CFAP43: variants seen among roughly 807,000 people sequenced by gnomAD.
The protein encoded by CFAP43 is cilia- and flagella-associated protein 43.
A neutral mutation model predicts 218.9 loss-of-function variants in CFAP43; 155 were observed. That is an observed-to-expected ratio of 0.71 (90% CI 0.62 to 0.81). The LOEUF (loss-of-function observed/expected upper bound fraction) is 0.81. Ranked by LOEUF, CFAP43 falls within the 30% of genes least tolerant of loss-of-function variation. CFAP43 has a pLI of 0.00. For missense variants in CFAP43, 1,778 were observed against 1,954.3 expected (o/e 0.91, Z 1.70); for synonymous variants, 645 against 681.3 (o/e 0.95, Z 0.83).
Position 104,164,161 on chromosome 10 carries a change from G to A in CFAP43, c.3179C>T (p.Ala1060Val). ...EIILDLELEE[A>V]VWQPEFEDCE... ...GTCTTCAAATTCTGGTTGCCAGACT[G>A]CTTCTTCCAATTCCAGATCTAAAAT... The change falls in exon 24 of 38, where the codon GCA becomes GTA. Residue 1060 changes from alanine to valine, a missense_variant. Ala to Val is a moderately conservative substitution (Grantham distance 64). This residue lies in a region of CFAP43 where 1,553 missense variants were observed against 1,685.2 expected (regional missense o/e 0.92). Coordinates refer to ENST00000357060, the MANE Select transcript of CFAP43 (RefSeq NM_025145.7). 6.2e-7 allele frequency: 1 copy of A among 1,614,152 alleles called. No homozygotes were observed. The highest frequency in any genetic ancestry group is 8.5e-7 in the Non-Finnish European group (1 of 1,180,020).
chr10:104,133,106 G>C (rs541429521), intron 35 of CFAP43, among the ~76,000 whole-genome samples: 1 of 152,340 alleles, frequency 6.6e-6, no homozygotes, highest in South Asian at 2.1e-4. Flanking sequence ...ATGGGGCATG[G>C]CTTGGAATCC....
chr10:104,228,210 C>G (rs2091355334), intron 2 of CFAP43, among the ~76,000 whole-genome samples: 1 of 152,162 alleles, frequency 6.6e-6, no homozygotes, highest in Non-Finnish European at 1.5e-5. Context: ...TGATATAGAC[C>G]ATGAGTATCT....
rs974613713 is a variant in CFAP43, at chr10:104,163,410, G to A, written c.3246+684C>T. On this transcript the variant is annotated intron_variant, in intron 24 of 37. Coordinates refer to ENST00000357060, the MANE Select transcript of CFAP43 (RefSeq NM_025145.7). The stretch of plus-strand genomic sequence containing the variant: ...ATTATCTTTTGTCCCCAGGAGTCAA[G>A]TTGGTTTTATGTGAGAAAAGGTCTT... 3.9e-5 allele frequency among the ~76,000 whole-genome samples: 6 copies of A among 152,174 alleles called. No individual in the cohort carries two copies. The East Asian group carries it at 9.6e-4, about 24-fold the overall frequency.
At chr10:104,180,450 T>C (rs948047623) in intron 17 of CFAP43, among the ~76,000 whole-genome samples, 3 of 150,144 alleles carry the variant, frequency 2.0e-5, no homozygotes, top group Non-Finnish European at 1.5e-5. Context: ...TATTTCTTTT[T>C]TTTTTTTTTT....
intron 34 of CFAP43, 22 bp downstream of exon 34, chr10:104,140,820 T>C: frequency 6.4e-7 from 1 of 1,559,866 alleles, no homozygotes. Flanking sequence ...TGAATTAAAA[T>C]AAAAATAAAA....
At chr10:104,163,245 A>G (rs1371963575) in intron 24 of CFAP43, among the ~76,000 whole-genome samples, 1 of 152,206 alleles carries the variant, frequency 6.6e-6, no homozygotes, top group African/African-American at 2.4e-5. Flanking sequence ...CATCTGTAAA[A>G]TGGAACTAAT....
chr10:104,203,446 C>A, intron 8 of CFAP43: 1 of 437,992 alleles, frequency 2.3e-6, no homozygotes, highest in Non-Finnish European at 4.0e-6. Flanking sequence ...CATGGTAGCT[C>A]TTTTATTCAG....
Position 104,172,451 on chromosome 10 carries a change from G to A in CFAP43, c.2545C>T (p.Leu849=), listed in dbSNP as rs374271202. 5.0e-6 allele frequency: 8 copies of A among 1,608,416 alleles called. No homozygotes were observed. The highest frequency in any genetic ancestry group is 6.8e-6 in the Non-Finnish European group (8 of 1,178,556). Residue 849 remains leucine, a synonymous_variant, in exon 20 of 38, where the codon CTA becomes TTA. Coordinates refer to ENST00000357060, the MANE Select transcript of CFAP43 (RefSeq NM_025145.7). ...QQEFGLDLEE[L]ERLHDESQEE... is the part of the protein sequence containing the mutation. ...TGACTTTCATCATGAAGCCTTTCTAGTTCCTCAAGATCCAGACCAAATTCC... is the reference window on the plus strand; with the variant it reads ...TGACTTTCATCATGAAGCCTTTCTAATTCCTCAAGATCCAGACCAAATTCC...
intron 7 of CFAP43, among the ~76,000 whole-genome samples, chr10:104,205,212 C>CAAAAAAAAAAAAAAAAAAA (rs71022723): frequency 1.8e-5 from 1 of 56,568 alleles, no homozygotes; most frequent in Non-Finnish European, 3.4e-5. Context: ...GACTCCGTCT[C>CAAAAAAAAAAAAAAAAAAA]AAAAAAAAAA....
intron 11 of CFAP43, 107 bp from the exon 12 acceptor site, chr10:104,192,409 A>G (rs2090256030): frequency 1.2e-6 from 1 of 830,642 alleles, no homozygotes; most frequent in Admixed American, 2.4e-5. Flanking sequence ...AGTCATTTTT[A>G]CGGTTTGCAA....
chr10:104,221,623 C>T (rs1025792392), intron 3 of CFAP43, among the ~76,000 whole-genome samples: 15 of 152,184 alleles, frequency 9.9e-5, no homozygotes, highest in Admixed American at 3.9e-4. Context: ...ATAAGCCACC[C>T]AGTCTATGGG....
At chr10:104,184,453 T>G (rs2134885054) in intron 16 of CFAP43, among the ~76,000 whole-genome samples, 1 of 148,744 alleles carries the variant, frequency 6.7e-6, no homozygotes, top group Admixed American at 6.7e-5. Flanking sequence ...AGATAAATAT[T>G]AACTATGTCT....
chr10:104,161,806 C>T (rs1394266992), intron 26 of CFAP43, among the ~76,000 whole-genome samples, 155 bp downstream of exon 26: 1 of 152,058 alleles, frequency 6.6e-6, no homozygotes, highest in African/African-American at 2.4e-5. Context: ...ACGCCAGGCC[C>T]TAATGTGGTA....
At chr10:104,196,820 T>C (rs2090393933) in intron 10 of CFAP43, 33 bp downstream of exon 10, 1 of 1,521,508 alleles carries the variant, frequency 6.6e-7, no homozygotes, top group Non-Finnish European at 9.0e-7. Flanking sequence ...GAATTCAGTA[T>C]TTTTTTAAAA....
intron 31 of CFAP43, among the ~76,000 whole-genome samples, chr10:104,145,116 A>G (rs1321667007): frequency 6.6e-6 from 1 of 152,238 alleles, no homozygotes; most frequent in Non-Finnish European, 1.5e-5. Flanking sequence ...CGATTTATAC[A>G]TCAGGGAACT....
intron 3 of CFAP43, among the ~76,000 whole-genome samples, chr10:104,224,618 G>C (rs1053645454): frequency 3.3e-5 from 5 of 151,684 alleles, no homozygotes; most frequent in African/African-American, 1.2e-4. Context: ...AGCTGGTCAT[G>C]ATGGCGGGTA....
chr10:104,150,682 T>C (rs919821636), intron 28 of CFAP43, among the ~76,000 whole-genome samples: 1 of 152,160 alleles, frequency 6.6e-6, no homozygotes, highest in African/African-American at 2.4e-5. Flanking sequence ...TCTCATCAAA[T>C]GAGTGCATGT....
chr10:104,149,639 G>T (rs1055578164), intron 28 of CFAP43, among the ~76,000 whole-genome samples: 2 of 152,004 alleles, frequency 1.3e-5, no homozygotes, highest in Non-Finnish European at 2.9e-5. Flanking sequence ...ATCTTAAATT[G>T]TCTCATTTAA....
In CFAP43 at chr10:104,193,889, C is replaced by T. The variant is rs759194222; in HGVS notation, c.1419G>A (p.Ser473=). The change falls in exon 11 of 38, where the codon TCG becomes TCA. Residue 473 remains serine, a synonymous_variant. Coordinates refer to ENST00000357060, the MANE Select transcript of CFAP43 (RefSeq NM_025145.7). ...SPQVVHKAFL[S]ESSVQHVVYD... ...ACACGACGTGCTGCACGGACGATTC[C>T]GAGAGAAAGGCCTTGTGCACGACCT... The T allele has an allele frequency of 7.4e-6, 12 of 1,614,070 alleles. No homozygotes were observed. The highest frequency in any genetic ancestry group is 2.2e-5 in the East Asian group (1 of 44,874).
Sources: allele counts gnomAD v4.1 joint callset (sites outside exome capture counted in the v4.1 genomes callset), GRCh38; gene constraint gnomAD v4.1.1; regional missense constraint gnomAD v4.1.1; transcripts MANE v1.5; gene names NCBI Gene and HGNC (gene_info 2026-07-23, HGNC 2026-07-21).